Variants in MBLAC2 observed in about 807,000 individuals in gnomAD.
MBLAC2 encodes acyl-coenzyme A thioesterase MBLAC2.
In MBLAC2, 24 loss-of-function variants were observed where a neutral mutation model predicts 23.3. That is an observed-to-expected ratio of 1.03 (90% CI 0.75 to 1.45). The LOEUF is 1.45. Ranked by LOEUF, MBLAC2 falls within the 40% of genes most tolerant of loss-of-function variation. The probability of loss-of-function intolerance (pLI) is 0.00; values close to 1 mark genes in which losing one functional copy is unlikely to be tolerated. For synonymous variants in MBLAC2, 162 were observed against 150.9 expected (o/e 1.07, Z -0.54); for missense variants, 358 against 370.0 (o/e 0.97, Z 0.27).
Position 90,474,400 on chromosome 5 carries a change from G to C in MBLAC2, c.-108C>G. ...GTGTGAAGCGGTCTGCCTGCAGCCA[G>C]GGAGGAGGCGTAGAGCGAGGCGGGG... On this transcript the variant is annotated 5_prime_UTR_variant, in exon 1 of 2. Coordinates refer to ENST00000316610, the MANE Select transcript of MBLAC2 (RefSeq NM_203406.2). 7 of 1,027,972 alleles carry C rather than the reference G, an allele frequency of 6.8e-6. No homozygotes were observed. The highest frequency in any genetic ancestry group is 7.3e-6 in the Non-Finnish European group (5 of 683,122). The allele number at this position is 1,027,972 out of a possible 1,614,324, so 63.7% of individuals were successfully genotyped here. A position where few individuals can be genotyped will look rare whatever the true frequency, so the allele number is the denominator to read the frequency against.
chr5:90,464,837 T>C (rs1276347172), intron 1 of MBLAC2, among the ~76,000 whole-genome samples: 1 of 152,194 alleles, frequency 6.6e-6, no homozygotes, highest in Non-Finnish European at 1.5e-5. Context: ...CAATTCTCAT[T>C]CATGATAAAA....
rs148467348 is a variant in MBLAC2, at chr5:90,474,738, T to C, written c.-446A>G. 215 of 189,814 alleles carry C rather than the reference T, an allele frequency of 1.1e-3. No homozygotes were observed. Among genetic ancestry groups the C allele is most frequent in the African/African-American group, 4.7e-3 (198 of 41,776 alleles). 11.8% of individuals were successfully genotyped at this position (189,814 alleles called of 1,614,324 possible). ...GCTCTGCAGGGCGCGCACTCCCAGC[T>C]GGCGCAGAAAGTGTGGGGCCTCGCG... On this transcript the variant is annotated 5_prime_UTR_variant, in exon 1 of 2. Coordinates refer to ENST00000316610, the MANE Select transcript of MBLAC2 (RefSeq NM_203406.2).
At position 90,460,265 on chromosome 5, in the gene MBLAC2, T is replaced by C. The variant is rs944431750; in HGVS notation, c.*902A>G. ...AAAGAATAGCTGCAGATCTTCATAGTTGTTTTAACGCTGTAAAACATAACA... is the reference window on the plus strand; with the variant it reads ...AAAGAATAGCTGCAGATCTTCATAGCTGTTTTAACGCTGTAAAACATAACA... On this transcript the variant is annotated 3_prime_UTR_variant, in exon 2 of 2. Coordinates refer to ENST00000316610, the MANE Select transcript of MBLAC2 (RefSeq NM_203406.2). The C allele has an allele frequency of 1.3e-5, 2 of 152,720 alleles. No individual in the cohort carries two copies. The highest frequency in any genetic ancestry group is 6.5e-5 in the Admixed American group (1 of 15,296). 9.5% of individuals were successfully genotyped at this position (152,720 alleles called of 1,614,324 possible).
chr5:90,460,761 A>G lies in MBLAC2; in HGVS notation c.*406T>C, dbSNP rs1161418868. 2 of 155,012 alleles carry G rather than the reference A, an allele frequency of 1.3e-5. No individual in the cohort carries two copies. Among genetic ancestry groups the G allele is most frequent in the Admixed American group, 1.3e-4 (2 of 15,676 alleles). 9.6% of individuals were successfully genotyped at this position (155,012 alleles called of 1,614,324 possible). On this transcript the variant is annotated 3_prime_UTR_variant, in exon 2 of 2. Coordinates refer to ENST00000316610, the MANE Select transcript of MBLAC2 (RefSeq NM_203406.2). ...TTTAAACCCAAGAACCTTTATCTTT[A>G]AATAATACACTAAAAATATCAAGTT...
intron 1 of MBLAC2, among the ~76,000 whole-genome samples, chr5:90,467,646 A>T (rs1750470740): frequency 6.6e-6 from 1 of 151,286 alleles, no homozygotes; most frequent in Non-Finnish European, 1.5e-5. Context: ...TATATCTTTT[A>T]AGTGGAGCAT....
intron 1 of MBLAC2, among the ~76,000 whole-genome samples, chr5:90,465,899 G>A (rs1478047686): frequency 6.6e-6 from 1 of 152,186 alleles, no homozygotes; most frequent in African/African-American, 2.4e-5. Context: ...TACATGGCTA[G>A]TGGCTACTGT....
intron 1 of MBLAC2, among the ~76,000 whole-genome samples, chr5:90,470,756 G>GCACACACACACACACACACACACA (rs35909248): frequency 7.1e-6 from 1 of 140,542 alleles, no homozygotes; most frequent in Non-Finnish European, 1.5e-5. Flanking sequence ...TAGCGCGCGC[G>GCACACACACACACACACACACACA]CACACACACA....
chr5:90,462,746 C>G (rs1750386042), intron 1 of MBLAC2, among the ~76,000 whole-genome samples: 1 of 151,932 alleles, frequency 6.6e-6, no homozygotes, highest in South Asian at 2.1e-4. Context: ...CAAAAACAAA[C>G]AAACAATAAA....
rs114588759 is a variant in MBLAC2 at position 90,473,277 on chromosome 5, C to A, written c.454+562G>T. On this transcript the variant is annotated intron_variant, in intron 1 of 1. Transcript: ENST00000316610. ...TGCAATCGTGAGGCAACATCAAGAA[C>A]AGAAACCTATCTGAAAGGTTTCCAA... is the stretch of plus-strand genomic sequence containing the variant. 6.4e-3 allele frequency: 1,228 copies of A among 193,118 alleles called. 13 individuals carry two copies. Among genetic ancestry groups the A allele is most frequent in the African/African-American group, 0.027 (1,136 of 42,128 alleles). 12.0% of individuals were successfully genotyped at this position (193,118 alleles called of 1,614,324 possible). A position where few individuals can be genotyped will look rare whatever the true frequency, so the allele number is the denominator to read the frequency against.
chr5:90,472,878 G>C (rs1008084577), intron 1 of MBLAC2: 2 of 152,068 alleles, frequency 1.3e-5, no homozygotes, highest in African/African-American at 4.8e-5. Flanking sequence ...ATTTAACTGG[G>C]GGGTCAGTGG....
intron 1 of MBLAC2, chr5:90,473,291 A>G: frequency 4.9e-6 from 1 of 204,300 alleles, no homozygotes; most frequent in South Asian, 9.5e-5. Context: ...AACCTATCTG[A>G]AAGGTTTCCA....
intron 1 of MBLAC2, among the ~76,000 whole-genome samples, chr5:90,466,106 T>TGG (rs2151891834): frequency 6.6e-6 from 1 of 152,352 alleles, no homozygotes; most frequent in Admixed American, 6.5e-5. Context: ...CTCAGTCTTT[T>TGG]GGCTAAGATC....
chr5:90,463,469 T>G (rs571305551), intron 1 of MBLAC2, among the ~76,000 whole-genome samples: 12 of 152,296 alleles, frequency 7.9e-5, no homozygotes, highest in Non-Finnish European at 1.8e-4. Flanking sequence ...CAAATATATG[T>G]AAAGCAAACA....
rs541329945 is a variant in MBLAC2 at position 90,472,108 on chromosome 5, G to C, written c.454+1731C>G. ...ACACATGATACTCAGCCCTGCATGGGTTCTTTCTTCATCTATAAAAAACCC... is the reference window on the plus strand; with the variant it reads ...ACACATGATACTCAGCCCTGCATGGCTTCTTTCTTCATCTATAAAAAACCC... On this transcript the variant is annotated intron_variant, in intron 1 of 1. Coordinates refer to ENST00000316610, the MANE Select transcript of MBLAC2 (RefSeq NM_203406.2). Among the ~76,000 whole-genome samples the C allele has an allele frequency of 3.3e-5, 5 of 152,174 alleles. No individual in the cohort carries two copies. The South Asian group carries it at 1.0e-3, about 32-fold the overall frequency.
Position 90,474,136 on chromosome 5 carries a change from G to A in MBLAC2, c.157C>T (p.Leu53Phe), listed in dbSNP as rs1377949520. ...VIDTGLGLRS[L>F]PEYLYSSGLL... is the part of the protein sequence containing the mutation. ...CCGGAGGAGTACAGGTACTCCGGGA[G>A]GCTGCGCAGCCCCAGGCCTGTATCG... The change falls in exon 1 of 2, where the codon CTC becomes TTC. Residue 53 changes from leucine (L) to phenylalanine (F), a missense_variant. Physicochemically the swap from Leu to Phe is conservative, Grantham distance 22. Transcript: ENST00000316610. 1 of 1,588,600 alleles carries A rather than the reference G, an allele frequency of 6.3e-7. No homozygotes were observed. Among genetic ancestry groups the A allele is most frequent in the Admixed American group, 1.8e-5 (1 of 55,284 alleles).
chr5:90,470,785 C>CACACACACACACA (rs3220210), intron 1 of MBLAC2, among the ~76,000 whole-genome samples: 2 of 148,068 alleles, frequency 1.4e-5, no homozygotes, highest in Admixed American at 6.8e-5. Flanking sequence ...CACACACACA[C>CACACACACACACA]GCTTTCTTTC....
rs1356798043 is a variant in MBLAC2, at chr5:90,459,105, A to T, written c.*2062T>A. 1 of 152,538 alleles carries T rather than the reference A, an allele frequency of 6.6e-6. No individual in the cohort carries two copies. Among genetic ancestry groups the T allele is most frequent in the Non-Finnish European group, 1.5e-5 (1 of 67,996 alleles). The allele number at this position is 152,538 out of a possible 1,614,324, so 9.4% of individuals were successfully genotyped here. On this transcript the variant is annotated 3_prime_UTR_variant, in exon 2 of 2. Coordinates refer to ENST00000316610, the MANE Select transcript of MBLAC2 (RefSeq NM_203406.2). ...CTTTTGGTTTTCCTTTGTGCTATTG[A>T]TATAAAAATAATGGCTTTATTTAAG...
chr5:90,469,993 A>G (rs1032211730), intron 1 of MBLAC2, among the ~76,000 whole-genome samples: 2 of 152,242 alleles, frequency 1.3e-5, no homozygotes, highest in African/African-American at 2.4e-5. Flanking sequence ...AGTGTCCATC[A>G]ACAGATGAAT....
chr5:90,461,539 GT>G lies in MBLAC2; in HGVS notation c.467del (p.Asn156ThrfsTer41). ...TAACAGTGAGCTGTCTGTCACCAAGGTTGATCACATCCCCTACAAATGGAAA... is the reference window on the plus strand; with the variant it reads ...TAACAGTGAGCTGTCTGTCACCAAGGTGATCACATCCCCTACAAATGGAAA... ...TLILQDGDVINLGDRQLTVMH... is the reference protein window; with the variant it reads ...TLILQDGDVIXLGDRQLTVMH... On this transcript the variant is annotated frameshift_variant, in exon 2 of 2. Coordinates refer to ENST00000316610, the MANE Select transcript of MBLAC2 (RefSeq NM_203406.2). LOFTEE classifies it high-confidence loss of function. 6.2e-7 allele frequency: 1 copy of G among 1,609,798 alleles called. No individual in the cohort carries two copies. Among genetic ancestry groups the G allele is most frequent in the Non-Finnish European group, 8.5e-7 (1 of 1,177,906 alleles).
Sources: allele counts gnomAD v4.1 joint callset (sites outside exome capture counted in the v4.1 genomes callset), GRCh38; gene constraint gnomAD v4.1.1; transcripts MANE v1.5; gene names NCBI Gene and HGNC (gene_info 2026-07-23, HGNC 2026-07-21).